Variants in UNC5D observed in about 807,000 individuals in gnomAD.
The protein encoded by UNC5D is netrin receptor UNC5D.
UNC5D carries 39 observed loss-of-function variants against 105.4 expected under a neutral mutation model. That is an observed-to-expected ratio of 0.37 (90% CI 0.29 to 0.48). The LOEUF (loss-of-function observed/expected upper bound fraction) is 0.48. UNC5D is among the 20% of genes least tolerant of loss of function. UNC5D has a pLI of 0.98. For synonymous variants in UNC5D, 452 were observed against 450.4 expected (o/e 1.00, Z -0.04); for missense variants, 991 against 1,202.4 (o/e 0.82, Z 2.60).
intron 4 of UNC5D, among the ~76,000 whole-genome samples, chr8:35,620,484 C>G (rs1358171784): frequency 3.3e-5 from 5 of 152,140 alleles, no homozygotes; most frequent in African/African-American, 9.7e-5. Context: ...TGCGACTCAT[C>G]ATGTGAAGTG....
intron 1 of UNC5D, among the ~76,000 whole-genome samples, chr8:35,314,414 C>T (rs1022467576): frequency 1.6e-4 from 25 of 152,026 alleles, no homozygotes; most frequent in Admixed American, 8.5e-4. Flanking sequence ...ATTTTTGTAT[C>T]GTTGGTTTCT....
At chr8:35,548,413 T>G (rs554917188) in intron 1 of UNC5D, among the ~76,000 whole-genome samples, 2 of 152,288 alleles carry the variant, frequency 1.3e-5, no homozygotes, top group African/African-American at 4.8e-5. Context: ...CTCCTTGTCC[T>G]CTCCACTGTG....
Position 35,379,007 on chromosome 8 carries a change from A to T in UNC5D, c.103+143120A>T, listed in dbSNP as rs527994904. On this transcript the variant is annotated intron_variant, in intron 1 of 16. Coordinates refer to ENST00000404895, the MANE Select transcript of UNC5D (RefSeq NM_080872.4). ...TGTCCTTGATGATTGACAAAACCCT[A>T]GAAAGGATAGAAGCAAATTATCTGG... Among the ~76,000 whole-genome samples, 131 of 152,354 alleles carry T rather than the reference A, an allele frequency of 8.6e-4. 1 individual carries two copies. Among genetic ancestry groups the T allele is most frequent in the Non-Finnish European group, 9.1e-4 (62 of 68,036 alleles).
At chr8:35,304,075 A>G (rs1318249555) in intron 1 of UNC5D, among the ~76,000 whole-genome samples, 1 of 152,130 alleles carries the variant, frequency 6.6e-6, no homozygotes, top group African/African-American at 2.4e-5. Flanking sequence ...GAAAGTCTTG[A>G]CAGAATCCCT....
chr8:35,549,844 T>G (rs1003277243), intron 2 of UNC5D, among the ~76,000 whole-genome samples: 9 of 152,174 alleles, frequency 5.9e-5, no homozygotes, highest in African/African-American at 1.9e-4. Flanking sequence ...GGACAAATAT[T>G]AAATCTTGCA....
intron 4 of UNC5D, among the ~76,000 whole-genome samples, chr8:35,604,659 TC>T (rs1290855641): frequency 6.6e-6 from 1 of 152,242 alleles, no homozygotes; most frequent in African/African-American, 2.4e-5. Context: ...GGTTCCATTC[TC>T]CCCGTCACTT....
intron 1 of UNC5D, among the ~76,000 whole-genome samples, chr8:35,327,974 C>A (rs1810302185): frequency 6.6e-6 from 1 of 152,132 alleles, no homozygotes; most frequent in South Asian, 2.1e-4. Flanking sequence ...ATTTTTGGCC[C>A]ATGTGATTGG....
chr8:35,724,251 C>T lies in UNC5D; in HGVS notation c.1303+1856C>T, dbSNP rs1427333337. 7.2e-6 allele frequency: 11 copies of T among 1,531,598 alleles called. No individual in the cohort carries two copies. In the East Asian group the frequency reaches 2.7e-4, roughly 38 times the overall value. 94.9% of individuals were successfully genotyped at this position (1,531,598 alleles called of 1,614,324 possible). ...CATTTTGTTTTATTTTTATTTTTAG[C>T]CAAGAATATCATGGAACTAATGATA... On this transcript the variant is annotated intron_variant, in intron 9 of 16. Transcript: ENST00000404895.
At chr8:35,520,887 A>T (rs2130447470) in intron 1 of UNC5D, among the ~76,000 whole-genome samples, 1 of 152,258 alleles carries the variant, frequency 6.6e-6, no homozygotes, top group South Asian at 2.1e-4. Flanking sequence ...TTCATTTCTA[A>T]TTTTAATAAA....
At chr8:35,445,205 C>T (rs1018785575) in intron 1 of UNC5D, among the ~76,000 whole-genome samples, 1 of 151,982 alleles carries the variant, frequency 6.6e-6, no homozygotes, top group Non-Finnish European at 1.5e-5. Context: ...ACTGGCCTCT[C>T]CCTCCACTCT....
At chr8:35,413,400 C>T (rs1330064604) in intron 1 of UNC5D, among the ~76,000 whole-genome samples, 1 of 150,448 alleles carries the variant, frequency 6.6e-6, no homozygotes, top group African/African-American at 2.4e-5. Flanking sequence ...AGTTATTCAG[C>T]TGTTTAACTC....
At chr8:35,458,010 C>T (rs1402648446) in intron 1 of UNC5D, among the ~76,000 whole-genome samples, 1 of 152,074 alleles carries the variant, frequency 6.6e-6, no homozygotes, top group Non-Finnish European at 1.5e-5. Context: ...CTATAGAGAC[C>T]AAGGCCTTGT....
At chr8:35,320,846 TG>T (rs1210569706) in intron 1 of UNC5D, among the ~76,000 whole-genome samples, 2 of 152,156 alleles carry the variant, frequency 1.3e-5, no homozygotes, top group African/African-American at 2.4e-5. Context: ...TTCAGTTGAT[TG>T]GGGGGCTTGG....
In UNC5D at chr8:35,617,049, C is replaced by G. The variant is rs1821071953; in HGVS notation, c.570+21392C>G. ...ACTCATCCCAATCCTGCTGAGGCAGCATGGATTTTAGTGTTTCCATGAAGC... is the reference window on the plus strand; with the variant it reads ...ACTCATCCCAATCCTGCTGAGGCAGGATGGATTTTAGTGTTTCCATGAAGC... On this transcript the variant is annotated intron_variant, in intron 4 of 16. Coordinates refer to ENST00000404895, the MANE Select transcript of UNC5D (RefSeq NM_080872.4). 2.0e-5 allele frequency among the ~76,000 whole-genome samples: 3 copies of G among 152,204 alleles called. No individual in the cohort carries two copies. In the South Asian group the frequency reaches 6.2e-4, roughly 32 times the overall value.
intron 2 of UNC5D, among the ~76,000 whole-genome samples, chr8:35,550,277 A>C (rs1424126873): frequency 2.6e-5 from 4 of 152,214 alleles, no homozygotes; most frequent in Non-Finnish European, 5.9e-5. Context: ...GATTAAGTAA[A>C]GTGCTTGCCC....
intron 4 of UNC5D, among the ~76,000 whole-genome samples, chr8:35,606,839 G>C (rs1187830970): frequency 2.6e-5 from 4 of 152,176 alleles, no homozygotes; most frequent in Admixed American, 2.6e-4. Context: ...GAGAATGCAG[G>C]GGACTTATGA....
In UNC5D at chr8:35,324,627, C is replaced by A. The variant is rs1810016711; in HGVS notation, c.103+88740C>A. On this transcript the variant is annotated intron_variant, in intron 1 of 16. Coordinates refer to ENST00000404895, the MANE Select transcript of UNC5D (RefSeq NM_080872.4). ...ATGATTAAACTTGGTGTTTGCGGTT[C>A]CTGAATAAAAGACATATAGTCAAGT... Among the ~76,000 whole-genome samples, 6 of 152,100 alleles carry A rather than the reference C, an allele frequency of 3.9e-5. No individual in the cohort carries two copies. The South Asian group carries it at 1.2e-3, about 32-fold the overall frequency.
intron 1 of UNC5D, among the ~76,000 whole-genome samples, chr8:35,360,539 C>T (rs1036683137): frequency 2.6e-5 from 4 of 152,068 alleles, no homozygotes; most frequent in Non-Finnish European, 5.9e-5. Context: ...TTCCAGAATT[C>T]TATAATCTGT....
chr8:35,576,664 G>A (rs1394682191), intron 3 of UNC5D, among the ~76,000 whole-genome samples: 1 of 152,180 alleles, frequency 6.6e-6, no homozygotes, highest in Admixed American at 6.5e-5. Flanking sequence ...CCAGGCTGGA[G>A]TGCAGTGGCA....
Sources: allele counts gnomAD v4.1 joint callset (sites outside exome capture counted in the v4.1 genomes callset), GRCh38; gene constraint gnomAD v4.1.1; transcripts MANE v1.5; gene names NCBI Gene and HGNC (gene_info 2026-07-23, HGNC 2026-07-21).